IGSF11: variants seen among roughly 807,000 people sequenced by gnomAD.
IGSF11 encodes immunoglobulin superfamily member 11, also known as CXADR like 1.
A neutral mutation model predicts 41.0 loss-of-function variants in IGSF11; 22 were observed. The observed-to-expected ratio is 0.54, with a 90% confidence interval of 0.38 to 0.77. The LOEUF is 0.77. IGSF11 is among the 30% of genes least tolerant of loss of function. IGSF11 has a pLI of 0.00. For missense variants in IGSF11, 444 were observed against 530.8 expected (o/e 0.84, Z 1.61); for synonymous variants, 219 against 201.3 (o/e 1.09, Z -0.74).
chr3:118,904,605 C>A lies in IGSF11; in HGVS notation c.854+43G>T, dbSNP rs371575618. 1.3e-5 allele frequency: 19 copies of A among 1,418,972 alleles called. 1 individual carries two copies. Among genetic ancestry groups the A allele is most frequent in the African/African-American group, 7.1e-5 (5 of 70,356 alleles). The allele number at this position is 1,418,972 out of a possible 1,614,324, so 87.9% of individuals were successfully genotyped here. A position where few individuals can be genotyped will look rare whatever the true frequency, so the allele number is the denominator to read the frequency against. ...ACTGACACAAATGAATAGAAGTACA[C>A]AATGGCTATGCAGGACAAATTTTAA... On this transcript the variant is annotated intron_variant, in intron 6 of 6. Transcript: ENST00000393775.
At chr3:119,050,202 G>T (rs1206274732) in intron 1 of IGSF11, among the ~76,000 whole-genome samples, 1 of 151,832 alleles carries the variant, frequency 6.6e-6, no homozygotes, top group Non-Finnish European at 1.5e-5. Context: ...TACCATCAGA[G>T]TGAACAGGCA....
rs534531120 is a variant in IGSF11, at chr3:118,926,511, C to T, written c.425-255G>A. 2.6e-5 allele frequency among the ~76,000 whole-genome samples: 4 copies of T among 152,204 alleles called. No individual in the cohort carries two copies. In the South Asian group the frequency reaches 6.2e-4, roughly 24 times the overall value. On this transcript the variant is annotated intron_variant, in intron 3 of 6. Transcript: ENST00000393775. ...GGGGCTTCACTCTTTGATTATAGTTCCAAGGTATCTTAAGATCTTCCTTTC... is the reference window on the plus strand; with the variant it reads ...GGGGCTTCACTCTTTGATTATAGTTTCAAGGTATCTTAAGATCTTCCTTTC...
At chr3:119,043,812 A>G (rs915562063) in intron 1 of IGSF11, among the ~76,000 whole-genome samples, 2 of 152,236 alleles carry the variant, frequency 1.3e-5, no homozygotes, top group Admixed American at 6.5e-5. Flanking sequence ...GGGCAATAAC[A>G]ATCACTGCAG....
At chr3:119,026,059 A>T (rs946891869) in intron 1 of IGSF11, among the ~76,000 whole-genome samples, 1 of 152,162 alleles carries the variant, frequency 6.6e-6, no homozygotes, top group Non-Finnish European at 1.5e-5. Context: ...TCACAAGGTC[A>T]GGAGTTCGAG....
At chr3:118,917,766 C>T (rs937171575) in intron 4 of IGSF11, among the ~76,000 whole-genome samples, 1 of 150,986 alleles carries the variant, frequency 6.6e-6, no homozygotes, top group Non-Finnish European at 1.5e-5. Context: ...ATGAGGCCAA[C>T]ATCATTCTGA....
chr3:118,988,531 C>A (rs1935474006), intron 1 of IGSF11, among the ~76,000 whole-genome samples: 1 of 152,126 alleles, frequency 6.6e-6, no homozygotes, highest in African/African-American at 2.4e-5. Flanking sequence ...GGGAATATGA[C>A]TTTCAAAACT....
upstream of IGSF11, among the ~76,000 whole-genome samples, chr3:119,107,039 A>G (rs1268799179): frequency 6.6e-6 from 1 of 152,192 alleles, no homozygotes; most frequent in African/African-American, 2.4e-5. Context: ...ATAGTGCCAC[A>G]ATCAACATAC....
chr3:118,972,247 C>A (rs966890629), intron 1 of IGSF11, among the ~76,000 whole-genome samples: 1 of 152,154 alleles, frequency 6.6e-6, no homozygotes, highest in Admixed American at 6.5e-5. Flanking sequence ...CAGACAGATA[C>A]AAGGATTTGA....
chr3:118,954,777 T>G (rs2107589033), intron 1 of IGSF11, among the ~76,000 whole-genome samples: 1 of 152,238 alleles, frequency 6.6e-6, no homozygotes, highest in African/African-American at 2.4e-5. Flanking sequence ...ATAGTTGAAG[T>G]TATTCCTTGA....
At position 118,928,630 on chromosome 3, in the gene IGSF11, G is replaced by A. The variant is rs1211441489; in HGVS notation, c.303C>T (p.Thr101=). 1 of 1,614,044 alleles carries A rather than the reference G, an allele frequency of 6.2e-7. No homozygotes were observed. Among genetic ancestry groups the A allele is most frequent in the Admixed American group, 1.7e-5 (1 of 60,016 alleles). The change falls in exon 3 of 7, where the codon ACC becomes ACT. Residue 101 remains threonine (T), a synonymous_variant. Transcript: ENST00000393775. ...RVGFTGTMPA[T]NVSIFINNTQ... ...TGTTATTAATGAAGATAGAGACATT[G>A]GTAGCTGGCATGGTGCCTGTAAATC...
intron 1 of IGSF11, chr3:118,943,237 C>T (rs1943844124): frequency 1.3e-5 from 2 of 152,156 alleles, no homozygotes; most frequent in Admixed American, 6.5e-5. Context: ...TGATAATTAT[C>T]ACAATGATTT....
chr3:118,928,432 C>T, intron 3 of IGSF11, 77 bp downstream of exon 3: 1 of 1,139,168 alleles, frequency 8.8e-7, no homozygotes, highest in Non-Finnish European at 1.3e-6. Context: ...GGTGTAGAAA[C>T]AAGGGCAGAA....
At chr3:119,114,841 ATTTATAG>A (rs2077233877) in intron 1 of IGSF11, among the ~76,000 whole-genome samples, 1 of 152,206 alleles carries the variant, frequency 6.6e-6, no homozygotes, top group Admixed American at 6.5e-5. Flanking sequence ...ACACTGGGTA[ATTTATAG>A]AGAGGTTTAA....
chr3:119,043,951 C>G (rs1233285139), intron 1 of IGSF11, among the ~76,000 whole-genome samples: 1 of 151,948 alleles, frequency 6.6e-6, no homozygotes, highest in African/African-American at 2.4e-5. Flanking sequence ...AACAGTCTAC[C>G]CAAAAAAGAA....
intron 1 of IGSF11, among the ~76,000 whole-genome samples, chr3:118,941,581 C>T (rs938258334): frequency 6.6e-6 from 1 of 152,084 alleles, no homozygotes; most frequent in African/African-American, 2.4e-5. Context: ...ATTAAATGTA[C>T]ACTTAACTAT....
chr3:119,100,742 A>G (rs939527743), intron 1 of IGSF11, among the ~76,000 whole-genome samples: 2 of 152,228 alleles, frequency 1.3e-5, no homozygotes, highest in Non-Finnish European at 2.9e-5. Flanking sequence ...TTTTAGATCT[A>G]AAGTGTATGA....
At chr3:118,979,632 T>C (rs1934501016) in intron 1 of IGSF11, among the ~76,000 whole-genome samples, 1 of 152,198 alleles carries the variant, frequency 6.6e-6, no homozygotes, top group South Asian at 2.1e-4. Context: ...AAAGATTTTA[T>C]GGCTGAGACC....
intron 1 of IGSF11, among the ~76,000 whole-genome samples, chr3:119,054,638 TA>T (rs1455505574): frequency 8.5e-5 from 13 of 152,152 alleles, no homozygotes; most frequent in Non-Finnish European, 2.9e-5. Flanking sequence ...CTTAAAGAAC[TA>T]AAAGTAGAAT....
chr3:119,096,508 G>C (rs144557979), intron 1 of IGSF11, among the ~76,000 whole-genome samples: 1 of 152,110 alleles, frequency 6.6e-6, no homozygotes, highest in African/African-American at 2.4e-5. Context: ...AAAAGCAACT[G>C]AACTACACTA....
Sources: gnomAD v4.1 joint callset for allele counts (sites outside exome capture counted in the v4.1 genomes callset) on GRCh38, gnomAD v4.1.1 for gene constraint, MANE v1.5 for transcripts, NCBI Gene and HGNC (gene_info 2026-07-23, HGNC 2026-07-21) for gene names.